Variants in SYNJ2 observed in about 807,000 individuals in gnomAD.
SYNJ2 encodes the protein synaptojanin 2.
SYNJ2 carries 116 observed loss-of-function variants against 141.3 expected under a neutral mutation model. The ratio of observed to expected loss-of-function variants is 0.82; its 90% CI spans 0.71 to 0.96. The LOEUF (loss-of-function observed/expected upper bound fraction) is 0.96. Among genes scored for constraint, SYNJ2 ranks in the 40% least tolerant of loss-of-function variants. SYNJ2 has a pLI of 0.00. For missense variants in SYNJ2, 1,873 were observed against 1,934.8 expected, an observed-to-expected ratio of 0.97 and a Z score of 0.60; for synonymous variants, 745 against 777.7, an observed-to-expected ratio of 0.96 and a Z score of 0.70.
intron 15 of SYNJ2, among the ~76,000 whole-genome samples, chr6:158,073,713 C>T (rs776564360): frequency 1.8e-4 from 27 of 152,044 alleles, no homozygotes; most frequent in Admixed American, 3.3e-4. Context: ...GTTATCTAGA[C>T]GCTCATTTTA....
intron 1 of SYNJ2, among the ~76,000 whole-genome samples, chr6:158,011,745 G>T (rs1022395633): frequency 6.6e-6 from 1 of 152,088 alleles, no homozygotes; most frequent in Non-Finnish European, 1.5e-5. Context: ...ACTTTGTTTA[G>T]CAATTTCCTG....
intron 26 of SYNJ2, among the ~76,000 whole-genome samples, chr6:158,093,513 C>G (rs1028023761): frequency 6.6e-6 from 1 of 152,022 alleles, no homozygotes. Flanking sequence ...GACATCCTCA[C>G]GTTCATGAGT....
chr6:158,061,672 T>A (rs1395466468), intron 7 of SYNJ2, among the ~76,000 whole-genome samples: 1 of 135,200 alleles, frequency 7.4e-6, no homozygotes, highest in African/African-American at 2.7e-5. Context: ...GAGCAGTCCT[T>A]CCTCACCTGT....
At chr6:158,041,935 G>A (rs1779970268) in intron 4 of SYNJ2, among the ~76,000 whole-genome samples, 1 of 152,212 alleles carries the variant, frequency 6.6e-6, no homozygotes, top group Non-Finnish European at 1.5e-5. Flanking sequence ...GGCTGGTCTC[G>A]AACTTTTGGG....
At chr6:158,047,774 CAAAAAAAA>C (rs58147972) in intron 5 of SYNJ2, among the ~76,000 whole-genome samples, 35 of 32,378 alleles carry the variant, frequency 1.1e-3, no homozygotes, top group Admixed American at 1.6e-3. Context: ...GCGACTCTGT[CAAAAAAAA>C]AAAAAAAAAA....
intron 4 of SYNJ2, among the ~76,000 whole-genome samples, chr6:158,039,913 C>T (rs1051495840): frequency 1.3e-5 from 2 of 152,162 alleles, no homozygotes; most frequent in African/African-American, 2.4e-5. Context: ...CAGCCAGGCC[C>T]GCTGACCATT....
At chr6:157,997,510 G>A (rs772723633) in intron 1 of SYNJ2, among the ~76,000 whole-genome samples, 9 of 152,186 alleles carry the variant, frequency 5.9e-5, no homozygotes, top group Non-Finnish European at 7.3e-5. Flanking sequence ...GACAAGGAAT[G>A]CCTGGGCTAC....
intron 25 of SYNJ2, among the ~76,000 whole-genome samples, chr6:158,091,863 C>T (rs1783479519): frequency 6.6e-6 from 1 of 152,062 alleles, no homozygotes; most frequent in Non-Finnish European, 1.5e-5. Flanking sequence ...GTGTACCATC[C>T]CCTTTTTATG....
chr6:158,080,681 A>G (rs1032484715), intron 18 of SYNJ2, among the ~76,000 whole-genome samples: 23 of 152,120 alleles, frequency 1.5e-4, no homozygotes, highest in Non-Finnish European at 4.4e-5. Flanking sequence ...ACCCTCTGAA[A>G]AGCTTGCACC....
chr6:158,052,358 T>C (rs964569276), intron 5 of SYNJ2, among the ~76,000 whole-genome samples: 1 of 152,204 alleles, frequency 6.6e-6, no homozygotes, highest in Admixed American at 6.5e-5. Flanking sequence ...CGTTTGAAAG[T>C]AGGTTGCATA....
At chr6:158,005,636 G>A (rs1188158713) in intron 1 of SYNJ2, among the ~76,000 whole-genome samples, 1 of 152,050 alleles carries the variant, frequency 6.6e-6, no homozygotes, top group Non-Finnish European at 1.5e-5. Context: ...CACACGGGCA[G>A]AGCGTACCAT....
Position 158,084,294 on chromosome 6 carries a change from C to T in SYNJ2, c.3208+120C>T. 8.3e-7 allele frequency: 1 copy of T among 1,201,348 alleles called. No individual in the cohort carries two copies. The highest frequency in any genetic ancestry group is 1.2e-6 in the Non-Finnish European group (1 of 864,858). The allele number at this position is 1,201,348 out of a possible 1,614,324, so 74.4% of individuals were successfully genotyped here. A position where few individuals can be genotyped will look rare whatever the true frequency, so the allele number is the denominator to read the frequency against. ...TCAAGTATGCAGGTCCCAGGAGAGA[C>T]CTCAACCAGGCAGGCCAAGCGAGGG... On this transcript the variant is annotated intron_variant, in intron 22 of 26. Coordinates refer to ENST00000355585, the MANE Select transcript of SYNJ2 (RefSeq NM_003898.4). This position sits in a 1 kb window ranked among gnomAD's most constrained non-coding sequence, Gnocchi z 5.0.
chr6:158,025,594 A>G (rs1778999876), intron 2 of SYNJ2, among the ~76,000 whole-genome samples: 1 of 152,096 alleles, frequency 6.6e-6, no homozygotes, highest in Non-Finnish European at 1.5e-5. Context: ...CAGGAGGCGG[A>G]GGTAGCAGTG....
intron 12 of SYNJ2, chr6:158,067,583 T>G: frequency 1.0e-6 from 1 of 985,456 alleles, no homozygotes; most frequent in Non-Finnish European, 1.2e-6. Context: ...TTTGTTTTGC[T>G]TCCTTGGACT....
rs2128366917 is a variant in SYNJ2, at chr6:158,064,925, G to A, written c.1459G>A (p.Gly487Arg). 2.5e-6 allele frequency: 4 copies of A among 1,613,716 alleles called. No individual in the cohort carries two copies. The East Asian group carries it at 6.7e-5, about 27-fold the overall frequency. The change falls in exon 11 of 27, where the codon GGG becomes AGG. Residue 487 changes from glycine to arginine, a missense_variant. Coordinates refer to ENST00000355585, the MANE Select transcript of SYNJ2 (RefSeq NM_003898.4). ...GGAGGCCATCAAGCTGCTGCTGGTT[G>A]GGGACGTCTACGGCGAGGAGGTGGC... Reference protein sequence around the residue: ...KQEAIKLLLVGDVYGEEVADK... With the variant: ...KQEAIKLLLVRDVYGEEVADK...
chr6:158,047,041 A>G (rs1233879820), intron 5 of SYNJ2, among the ~76,000 whole-genome samples: 1 of 152,180 alleles, frequency 6.6e-6, no homozygotes, highest in Non-Finnish European at 1.5e-5. Flanking sequence ...GCCAGAAACC[A>G]TTCGCCAAGT....
intron 5 of SYNJ2, among the ~76,000 whole-genome samples, chr6:158,045,392 G>A (rs937382058): frequency 2.0e-5 from 3 of 152,078 alleles, no homozygotes; most frequent in African/African-American, 7.2e-5. Flanking sequence ...TTACAGGCGT[G>A]AGCCACCGCA....
At chr6:158,076,495 A>C (rs1189272088) in intron 16 of SYNJ2, 131 bp from the exon 17 acceptor site, 1 of 1,062,288 alleles carries the variant, frequency 9.4e-7, no homozygotes, top group African/African-American at 1.6e-5. Flanking sequence ...AGTTTCAGAT[A>C]GATTTTCAAA....
intron 16 of SYNJ2, among the ~76,000 whole-genome samples, chr6:158,075,046 C>T (rs893897990): frequency 1.3e-5 from 2 of 151,880 alleles, no homozygotes; most frequent in Non-Finnish European, 2.9e-5. Flanking sequence ...ATTCTTGTGC[C>T]TCAGCCTCCC....
Sources: gnomAD v4.1 joint callset for allele counts (sites outside exome capture counted in the v4.1 genomes callset) on GRCh38, gnomAD v4.1.1 for gene constraint, Gnocchi (gnomAD v3.1) non-coding constraint, MANE v1.5 for transcripts, NCBI Gene and HGNC (gene_info 2026-07-23, HGNC 2026-07-21) for gene names.